Variants in ZSWIM9 observed in about 807,000 individuals in gnomAD.
The protein encoded by ZSWIM9 is zinc finger SWIM-type containing 9.
In ZSWIM9, 11 loss-of-function variants were observed where a neutral mutation model predicts 25.0. The observed-to-expected ratio is 0.44, with a 90% CI of 0.28 to 0.73. The LOEUF (loss-of-function observed/expected upper bound fraction) is 0.73, where lower values mean the gene tolerates loss of function less well. ZSWIM9 is among the 30% of genes least tolerant of loss of function. ZSWIM9 has a pLI of 0.16. For synonymous variants in ZSWIM9, 562 were observed against 582.1 expected, an observed-to-expected ratio of 0.97 and a Z score of 0.50; for missense variants, 1,070 against 1,296.5, an observed-to-expected ratio of 0.83 and a Z score of 2.68.
At chr19:48,180,347 G>A (rs7251332) in intron 2 of ZSWIM9, among the ~76,000 whole-genome samples, 77,539 of 147,148 alleles carry the variant, frequency 0.53, 20,506 homozygotes, top group East Asian at 0.67. Context: ...TTTTTGAGAG[G>A]TAGGGGTCTC....
chr19:48,192,481 A>ATGTATG (rs1263420268), intron 3 of ZSWIM9, among the ~76,000 whole-genome samples: 1 of 20,588 alleles, frequency 4.9e-5, no homozygotes, highest in Non-Finnish European at 1.0e-4. Flanking sequence ...AAAAAAAAAA[A>ATGTATG]TATATATATA....
Position 48,195,058 on chromosome 19 carries a change from C to T in ZSWIM9, c.994C>T (p.Leu332=). The T allele has an allele frequency of 7.3e-7, 1 of 1,372,812 alleles. No homozygotes were observed. The highest frequency in any genetic ancestry group is 9.3e-7 in the Non-Finnish European group (1 of 1,071,596). The allele number at this position is 1,372,812 out of a possible 1,614,324, so 85.0% of individuals were successfully genotyped here. The change falls in exon 4 of 4, where the codon CTG becomes TTG. Residue 332 remains leucine (L), a synonymous_variant. Coordinates refer to ENST00000614654, the MANE Select transcript of ZSWIM9 (RefSeq NM_199341.4). This position sits in a 1 kb window ranked among gnomAD's most constrained non-coding sequence, Gnocchi z 5.8. ...LETLFSKAQE[L]GGAGREDPGL... is the part of the protein sequence containing the mutation. ...GACGCTCTTCAGCAAGGCGCAGGAGCTGGGCGGCGCCGGCCGCGAGGACCC... is the reference window on the plus strand; with the variant it reads ...GACGCTCTTCAGCAAGGCGCAGGAGTTGGGCGGCGCCGGCCGCGAGGACCC...
chr19:48,181,157 A>G (rs942900104), intron 2 of ZSWIM9: 3 of 152,114 alleles, frequency 2.0e-5, no homozygotes, highest in Non-Finnish European at 2.9e-5. Flanking sequence ...CACACATCAT[A>G]TGTGTGAAAC....
At position 48,195,512 on chromosome 19, in the gene ZSWIM9, A is replaced by G. The variant is rs770762230; in HGVS notation, c.1448A>G (p.Glu483Gly). 489 of 1,412,534 alleles carry G rather than the reference A, an allele frequency of 3.5e-4. No homozygotes were observed. Among genetic ancestry groups the G allele is most frequent in the Non-Finnish European group, 3.8e-4 (418 of 1,090,326 alleles). 87.5% of individuals were successfully genotyped at this position (1,412,534 alleles called of 1,614,324 possible). A position where few individuals can be genotyped will look rare whatever the true frequency, so the allele number is the denominator to read the frequency against. ...GGCGACTGGGGAGGGGCTCCGAAAG[A>G]AGGAAGTATTTGGAGGGGAGCCCAG... Reference protein sequence around the residue: ...ETGDWGGAPKEGSIWRGAQME... With the variant: ...ETGDWGGAPKGGSIWRGAQME... Residue 483 changes from glutamate (E) to glycine (G), a missense_variant, in exon 4 of 4, where the codon GAA becomes GGA. This residue lies in a region of ZSWIM9 where 583 missense variants were observed against 624.7 expected (regional missense o/e 0.93). Transcript: ENST00000614654. This position sits in a 1 kb window ranked among gnomAD's most constrained non-coding sequence, Gnocchi z 5.8.
intron 3 of ZSWIM9, among the ~76,000 whole-genome samples, chr19:48,192,480 A>AATATATATATATATATATATAT (rs1555787871): frequency 2.3e-4 from 4 of 17,378 alleles, no homozygotes; most frequent in African/African-American, 3.3e-4. Flanking sequence ...AAAAAAAAAA[A>AATATATATATATATATATATAT]ATATATATAT....
At position 48,196,883 on chromosome 19, in the gene ZSWIM9, A is replaced by G; in HGVS notation, c.*56A>G. The G allele has an allele frequency of 8.0e-7, 1 of 1,248,218 alleles. No homozygotes were observed. The highest frequency in any genetic ancestry group is 1.0e-6 in the Non-Finnish European group (1 of 997,420). The allele number at this position is 1,248,218 out of a possible 1,614,324, so 77.3% of individuals were successfully genotyped here. A position where few individuals can be genotyped will look rare whatever the true frequency, so the allele number is the denominator to read the frequency against. ...CAGGAGGGTCGGAGGGCATTCTTCGATCCCAAAGATAATAGGGCTGAGGCC... is the reference window on the plus strand; with the variant it reads ...CAGGAGGGTCGGAGGGCATTCTTCGGTCCCAAAGATAATAGGGCTGAGGCC... On this transcript the variant is annotated 3_prime_UTR_variant, in exon 4 of 4. Transcript: ENST00000614654.
In ZSWIM9 at chr19:48,197,457, G is replaced by T; in HGVS notation, c.*630G>T. On this transcript the variant is annotated 3_prime_UTR_variant, in exon 4 of 4. Transcript: ENST00000614654. ...GAGACGGGTAGAGACGAAATGCAAGGGGCGTGGTTTTGGTTTTTCTCCAAG... is the reference window on the plus strand; with the variant it reads ...GAGACGGGTAGAGACGAAATGCAAGTGGCGTGGTTTTGGTTTTTCTCCAAG... 1.2e-5 allele frequency: 7 copies of T among 601,254 alleles called. No homozygotes were observed. The highest frequency in any genetic ancestry group is 1.8e-5 in the Non-Finnish European group (6 of 338,308). 37.2% of individuals were successfully genotyped at this position (601,254 alleles called of 1,614,324 possible).
chr19:48,182,612 T>G lies in ZSWIM9; in HGVS notation c.433T>G (p.Cys145Gly). Residue 145 changes from cysteine to glycine, a missense_variant, in exon 3 of 4, where the codon TGC (cysteine) becomes GGC (glycine). Around this residue, in one of 4 missense-constraint regions of ZSWIM9, gnomAD observed 265 missense variants for 339.0 expected, o/e 0.78. Coordinates refer to ENST00000614654, the MANE Select transcript of ZSWIM9 (RefSeq NM_199341.4). This position sits in a 1 kb window ranked among gnomAD's most constrained non-coding sequence, Gnocchi z 4.6. ...FRPGHLLANA[C>G]LPVRTTNKIS... ...CCCGGGCCACCTGCTGGCCAACGCC[T>G]GCCTGCCGGTGCGCACCACCAACAA... 1 of 1,535,810 alleles carries G rather than the reference T, an allele frequency of 6.5e-7. No individual in the cohort carries two copies. The highest frequency in any genetic ancestry group is 8.7e-7 in the Non-Finnish European group (1 of 1,146,688).
At chr19:48,174,235 C>T (rs901773959) in intron 2 of ZSWIM9, among the ~76,000 whole-genome samples, 3 of 152,014 alleles carry the variant, frequency 2.0e-5, no homozygotes, top group Admixed American at 6.6e-5. Context: ...GAGACATGCT[C>T]CACGACTTCC....
chr19:48,197,354 C>T lies in ZSWIM9; in HGVS notation c.*527C>T. On this transcript the variant is annotated 3_prime_UTR_variant, in exon 4 of 4. Transcript: ENST00000614654. Reference sequence around the variant, plus strand: ...ACAGAAATGAAGACATGAGGAAAAGCTGGGGGAAGCAGGAGAGGAAGGGAC... The same window carrying T: ...ACAGAAATGAAGACATGAGGAAAAGTTGGGGGAAGCAGGAGAGGAAGGGAC... 1.4e-6 allele frequency: 1 copy of T among 693,158 alleles called. No homozygotes were observed. The highest frequency in any genetic ancestry group is 2.6e-6 in the Non-Finnish European group (1 of 380,224). 42.9% of individuals were successfully genotyped at this position (693,158 alleles called of 1,614,324 possible). A position where few individuals can be genotyped will look rare whatever the true frequency, so the allele number is the denominator to read the frequency against.
rs2036777764 is a variant in ZSWIM9 at position 48,170,729 on chromosome 19, G to C, written c.-10+15G>C. The C allele has an allele frequency of 9.4e-6, 2 of 212,124 alleles. No individual in the cohort carries two copies. Among genetic ancestry groups the C allele is most frequent in the Non-Finnish European group, 1.9e-5 (2 of 103,542 alleles). 13.1% of individuals were successfully genotyped at this position (212,124 alleles called of 1,614,324 possible). ...GGGGCGGGTAGGTGAGTGGGGAGGG[G>C]CGGGAAGGGTGCACATCTTGGGGAG... On this transcript the variant is annotated intron_variant, in intron 1 of 3. Coordinates refer to ENST00000614654, the MANE Select transcript of ZSWIM9 (RefSeq NM_199341.4).
intron 3 of ZSWIM9, among the ~76,000 whole-genome samples, chr19:48,191,040 A>G (rs539821283): frequency 2.0e-5 from 3 of 151,622 alleles, no homozygotes; most frequent in South Asian, 4.2e-4. Flanking sequence ...GGATAATACT[A>G]TCTTATAGGG....
intron 2 of ZSWIM9, among the ~76,000 whole-genome samples, chr19:48,178,046 C>T (rs768190659): frequency 6.6e-6 from 1 of 152,066 alleles, no homozygotes; most frequent in African/African-American, 2.4e-5. Flanking sequence ...TACAGGTGCC[C>T]GCCACCACGC....
rs2037170490 is a variant in ZSWIM9 at position 48,196,667 on chromosome 19, ACTT to A, written c.2608_2610del (p.Phe870del). 1 of 1,232,494 alleles carries A rather than the reference ACTT, an allele frequency of 8.1e-7. No homozygotes were observed. Among genetic ancestry groups the A allele is most frequent in the African/African-American group, 1.6e-5 (1 of 64,380 alleles). 76.3% of individuals were successfully genotyped at this position (1,232,494 alleles called of 1,614,324 possible). ...TTTGCCCTTAAGGACGGCACCTCGG[ACTT>A]CTTCCTGGATGGGGCCCTGACACGC... On this transcript the variant is annotated inframe_deletion, in exon 4 of 4. Transcript: ENST00000614654.
intron 2 of ZSWIM9, among the ~76,000 whole-genome samples, chr19:48,175,363 C>T (rs938522005): frequency 1.3e-5 from 2 of 152,006 alleles, no homozygotes; most frequent in Admixed American, 6.6e-5. Context: ...ATCTTGGAGC[C>T]GTCATGTCTA....
intron 1 of ZSWIM9, 24 bp downstream of exon 1, chr19:48,170,738 G>A: frequency 5.1e-6 from 1 of 194,470 alleles, no homozygotes; most frequent in Non-Finnish European, 1.1e-5. Context: ...GGCGGGAAGG[G>A]TGCACATCTT....
intron 2 of ZSWIM9, among the ~76,000 whole-genome samples, chr19:48,175,594 T>C (rs1185195233): frequency 2.0e-5 from 3 of 151,816 alleles, no homozygotes; most frequent in African/African-American, 7.3e-5. Context: ...GTAGGGTCAG[T>C]TCTGGGTGGA....
intron 3 of ZSWIM9, chr19:48,183,055 C>G (rs1332465786): frequency 2.3e-6 from 1 of 428,624 alleles, no homozygotes; most frequent in Admixed American, 4.0e-5. Context: ...CCACAAGTGG[C>G]TACTGAGCAC....
At chr19:48,175,253 A>C (rs2036880778) in intron 2 of ZSWIM9, among the ~76,000 whole-genome samples, 2 of 152,148 alleles carry the variant, frequency 1.3e-5, no homozygotes, top group South Asian at 4.1e-4. Context: ...GGGGGCGAGG[A>C]CAGGGCCCTG....
Sources: allele counts gnomAD v4.1 joint callset (sites outside exome capture counted in the v4.1 genomes callset), GRCh38; gene constraint gnomAD v4.1.1; regional missense constraint gnomAD v4.1.1; non-coding constraint Gnocchi (gnomAD v3.1); transcripts MANE v1.5; gene names NCBI Gene and HGNC (gene_info 2026-07-23, HGNC 2026-07-21).